CLYBL: variants seen among roughly 807,000 people sequenced by gnomAD.
The protein encoded by CLYBL is citramalyl-CoA lyase.
CLYBL carries 31 observed loss-of-function variants against 38.9 expected under a neutral mutation model. The ratio of observed to expected loss-of-function variants is 0.80; its 90% CI spans 0.60 to 1.08. CLYBL has a LOEUF of 1.08. CLYBL is among the 50% of genes least tolerant of loss of function. CLYBL has a pLI of 0.00. For missense variants in CLYBL, 434 were observed against 411.6 expected (o/e 1.05, Z -0.47); for synonymous variants, 171 against 158.6 (o/e 1.08, Z -0.59).
chr13:99,721,039 CTT>C (rs35480092), intron 1 of CLYBL, among the ~76,000 whole-genome samples: 2 of 141,274 alleles, frequency 1.4e-5, no homozygotes, highest in Non-Finnish European at 3.1e-5. Flanking sequence ...TTCCCTAATT[CTT>C]TTTTTTTTTT....
chr13:99,613,533 T>C (rs2046661458), intron 1 of CLYBL, among the ~76,000 whole-genome samples: 1 of 151,930 alleles, frequency 6.6e-6, no homozygotes, highest in Non-Finnish European at 1.5e-5. Context: ...TGTCCCTCTG[T>C]ACTGCTGTGA....
At chr13:99,761,631 A>C (rs2049167646) in intron 1 of CLYBL, among the ~76,000 whole-genome samples, 1 of 152,224 alleles carries the variant, frequency 6.6e-6, no homozygotes, top group South Asian at 2.1e-4. Flanking sequence ...TGAACATAGG[A>C]GTGAACATAC....
downstream of CLYBL, among the ~76,000 whole-genome samples, chr13:99,898,338 C>T (rs1370627116): frequency 3.9e-5 from 6 of 152,182 alleles, no homozygotes. Flanking sequence ...ATACTCTAGG[C>T]ATCTGGCTTA....
intron 2 of CLYBL, among the ~76,000 whole-genome samples, chr13:99,824,643 CTTG>C (rs2050658842): frequency 6.6e-6 from 1 of 152,100 alleles, no homozygotes; most frequent in Non-Finnish European, 1.5e-5. Context: ...GCACACACCC[CTTG>C]TTGTCTTGCC....
intron 1 of CLYBL, among the ~76,000 whole-genome samples, chr13:99,751,270 G>T (rs1266916059): frequency 6.6e-6 from 1 of 152,034 alleles, no homozygotes; most frequent in Non-Finnish European, 1.5e-5. Flanking sequence ...ACCCAGGCTG[G>T]AGTGTAATGG....
intron 1 of CLYBL, among the ~76,000 whole-genome samples, chr13:99,633,550 A>AG (rs1289559624): frequency 6.6e-6 from 1 of 151,432 alleles, no homozygotes; most frequent in African/African-American, 2.4e-5. Context: ...AAAAAAAAAA[A>AG]ATAGCTATGA....
intron 2 of CLYBL, among the ~76,000 whole-genome samples, chr13:99,807,951 G>T (rs1303265336): frequency 1.3e-5 from 2 of 152,230 alleles, no homozygotes; most frequent in Admixed American, 1.3e-4. Flanking sequence ...GCGGAGGAAA[G>T]AATTAGGATA....
At chr13:99,811,243 G>T (rs1381286468) in intron 2 of CLYBL, among the ~76,000 whole-genome samples, 5 of 152,152 alleles carry the variant, frequency 3.3e-5, no homozygotes. Context: ...GAAACCAGGG[G>T]GTCAAGTGCC....
chr13:99,677,165 A>G (rs981521847), intron 1 of CLYBL, among the ~76,000 whole-genome samples: 6 of 152,212 alleles, frequency 3.9e-5, no homozygotes, highest in Non-Finnish European at 8.8e-5. Context: ...AGGGCAGAGA[A>G]TGAGGGAGAG....
chr13:99,794,207 G>A (rs1408235957), intron 2 of CLYBL, among the ~76,000 whole-genome samples: 3 of 152,094 alleles, frequency 2.0e-5, no homozygotes, highest in Non-Finnish European at 4.4e-5. Flanking sequence ...GATCACCTGA[G>A]GTCAGGAGTT....
chr13:99,745,080 G>A (rs1054570181), intron 1 of CLYBL, among the ~76,000 whole-genome samples: 5 of 152,162 alleles, frequency 3.3e-5, no homozygotes, highest in African/African-American at 9.7e-5. Context: ...AAATATCAGC[G>A]TTAGCTAGAG....
At chr13:99,750,229 C>T (rs972906906) in intron 1 of CLYBL, among the ~76,000 whole-genome samples, 2 of 152,270 alleles carry the variant, frequency 1.3e-5, no homozygotes, top group South Asian at 2.1e-4. Context: ...GGAGATACAG[C>T]GCTAAGTAGA....
intron 2 of CLYBL, among the ~76,000 whole-genome samples, chr13:99,852,424 G>A (rs1235043627): frequency 6.6e-6 from 1 of 152,052 alleles, no homozygotes; most frequent in Non-Finnish European, 1.5e-5. Context: ...AATTGATTGT[G>A]GTAATGGCTG....
At chr13:99,893,558 A>G (rs1042921047), downstream of CLYBL, 12 of 152,460 alleles carry the variant, frequency 7.9e-5, no homozygotes, top group African/African-American at 1.9e-4. Context: ...TGTCCTTCCT[A>G]TGGGCAGCCC....
At chr13:99,740,115 A>G (rs905027701) in intron 1 of CLYBL, among the ~76,000 whole-genome samples, 6 of 152,214 alleles carry the variant, frequency 3.9e-5, no homozygotes, top group African/African-American at 1.4e-4. Context: ...GGCCATAAAT[A>G]TGTCTTGTTT....
intron 1 of CLYBL, among the ~76,000 whole-genome samples, chr13:99,706,545 A>G (rs970141121): frequency 6.6e-6 from 1 of 152,176 alleles, no homozygotes; most frequent in Non-Finnish European, 1.5e-5. Flanking sequence ...AAACTTATCA[A>G]TAGAGTATTA....
intron 1 of CLYBL, among the ~76,000 whole-genome samples, chr13:99,718,898 A>G (rs1403075971): frequency 2.0e-5 from 3 of 151,856 alleles, no homozygotes; most frequent in African/African-American, 7.3e-5. Context: ...GCTGGAGTGC[A>G]GTGGCATGAT....
chr13:99,620,071 C>T (rs895955129), intron 1 of CLYBL, among the ~76,000 whole-genome samples: 1 of 152,206 alleles, frequency 6.6e-6, no homozygotes, highest in African/African-American at 2.4e-5. Context: ...TCTCTGCCTG[C>T]AGCAGGGAGT....
Position 99,889,134 on chromosome 13 carries a change from A to C in CLYBL, c.928-2184A>C, listed in dbSNP as rs578240216. ...GAAGTGTTTTTTATCTTTGATGTGC[A>C]CATGGAACCCAAAGCAGGTTCGGGA... On this transcript the variant is annotated intron_variant, in intron 7 of 8. Transcript: ENST00000339105. Among the ~76,000 whole-genome samples the C allele has an allele frequency of 1.4e-3, 206 of 152,368 alleles. 1 individual carries two copies. The highest frequency in any genetic ancestry group is 4.8e-3 in the African/African-American group (201 of 41,584).
Sources: allele counts gnomAD v4.1 joint callset (sites outside exome capture counted in the v4.1 genomes callset), GRCh38; gene constraint gnomAD v4.1.1; transcripts MANE v1.5; gene names NCBI Gene and HGNC (gene_info 2026-07-23, HGNC 2026-07-21).